The following IGF2BP2 variants were observed in gnomAD, a reference collection of about 807,000 sequenced individuals.
IGF2BP2 encodes insulin-like growth factor 2 mRNA-binding protein 2.
A neutral mutation model predicts 75.8 loss-of-function variants in IGF2BP2; 17 were observed. That is an observed-to-expected ratio of 0.22 (90% confidence interval 0.15 to 0.34). The LOEUF (loss-of-function observed/expected upper bound fraction) is 0.34, where lower values mean the gene tolerates loss of function less well. IGF2BP2 is among the 10% of genes least tolerant of loss of function. IGF2BP2 has a pLI of 1.00. For missense variants in IGF2BP2, 516 were observed against 772.4 expected (o/e 0.67, Z 3.93); for synonymous variants, 288 against 295.6 (o/e 0.97, Z 0.26).
intron 12 of IGF2BP2, among the ~76,000 whole-genome samples, chr3:185,656,111 G>A (rs561168166): frequency 2.6e-5 from 4 of 152,248 alleles, no homozygotes; most frequent in Non-Finnish European, 5.9e-5. Flanking sequence ...TCTCCTGCCG[G>A]CATCTCAGAC....
chr3:185,778,092 A>G (rs1381072727), intron 2 of IGF2BP2, among the ~76,000 whole-genome samples: 1 of 152,072 alleles, frequency 6.6e-6, no homozygotes, highest in Non-Finnish European at 1.5e-5. Context: ...ATGCATTTGT[A>G]CTACCATCTA....
At chr3:185,677,066 T>TAGAGAGAGAGAG (rs1185215668) in intron 7 of IGF2BP2, among the ~76,000 whole-genome samples, 11 of 38,382 alleles carry the variant, frequency 2.9e-4, no homozygotes, top group African/African-American at 1.1e-3. Flanking sequence ...TATATATATA[T>TAGAGAGAGAGAG]ATAGAGAGAG....
intron 2 of IGF2BP2, among the ~76,000 whole-genome samples, chr3:185,730,251 G>T (rs1727963117): frequency 6.6e-6 from 1 of 152,018 alleles, no homozygotes; most frequent in Admixed American, 6.6e-5. Flanking sequence ...AAGATAATGT[G>T]AAATACAAAT....
At chr3:185,721,898 T>C (rs1275481774) in intron 2 of IGF2BP2, among the ~76,000 whole-genome samples, 3 of 152,182 alleles carry the variant, frequency 2.0e-5, no homozygotes, top group Non-Finnish European at 4.4e-5. Context: ...TTTCTGTTTA[T>C]GAGGTGCTTT....
intron 2 of IGF2BP2, among the ~76,000 whole-genome samples, chr3:185,731,083 G>A (rs1308339513): frequency 1.3e-5 from 2 of 151,946 alleles, no homozygotes; most frequent in African/African-American, 4.8e-5. Flanking sequence ...AACTTCCTCG[G>A]TTTTAACTCC....
At chr3:185,808,291 A>C (rs1458414498) in intron 2 of IGF2BP2, among the ~76,000 whole-genome samples, 3 of 150,156 alleles carry the variant, frequency 2.0e-5, no homozygotes, top group African/African-American at 7.5e-5. Context: ...GCCTGCCAAC[A>C]TGGTGAAACA....
At chr3:185,736,233 G>T (rs1728833937) in intron 2 of IGF2BP2, among the ~76,000 whole-genome samples, 1 of 152,102 alleles carries the variant, frequency 6.6e-6, no homozygotes. Flanking sequence ...ACTCGGAGGT[G>T]GGGGGGCCAC....
chr3:185,811,064 T>C (rs151133627), intron 2 of IGF2BP2, among the ~76,000 whole-genome samples: 46 of 151,844 alleles, frequency 3.0e-4, no homozygotes, highest in African/African-American at 9.2e-4. Flanking sequence ...AGCATATATA[T>C]ACATATTCTA....
intron 2 of IGF2BP2, among the ~76,000 whole-genome samples, chr3:185,766,080 C>T (rs148037025): frequency 3.0e-4 from 45 of 152,108 alleles, no homozygotes; most frequent in Non-Finnish European, 5.4e-4. Flanking sequence ...TCTAAGAACC[C>T]GATGGCTGGG....
chr3:185,679,617 G>A (rs186945577), intron 7 of IGF2BP2, among the ~76,000 whole-genome samples: 21 of 151,274 alleles, frequency 1.4e-4, no homozygotes, highest in East Asian at 1.2e-3. Context: ...ACGTTTTTTC[G>A]TTTTCTTTCT....
intron 5 of IGF2BP2, among the ~76,000 whole-genome samples, chr3:185,689,960 T>C: frequency 2.4e-5 from 2 of 81,640 alleles, no homozygotes; most frequent in African/African-American, 1.0e-4. Flanking sequence ...AGAGCGAGAC[T>C]CCGTCTCAAA....
intron 2 of IGF2BP2, among the ~76,000 whole-genome samples, chr3:185,701,367 T>TAAAAAAAAA (rs558141080): frequency 1.7e-5 from 2 of 116,962 alleles, no homozygotes; most frequent in Non-Finnish European, 3.5e-5. Context: ...ACCTGCTAAG[T>TAAAAAAAAA]AAAAAAAAAA....
chr3:185,684,654 G>A (rs188854777), intron 7 of IGF2BP2, among the ~76,000 whole-genome samples: 23 of 152,228 alleles, frequency 1.5e-4, no homozygotes, highest in Admixed American at 1.1e-3. Context: ...TGATCCGCCC[G>A]CTTCAGCCTC....
intron 10 of IGF2BP2, among the ~76,000 whole-genome samples, chr3:185,661,372 C>G (rs1344792616): frequency 1.3e-5 from 2 of 152,186 alleles, no homozygotes; most frequent in African/African-American, 2.4e-5. Flanking sequence ...CACGGTGGCT[C>G]ATGCCTGTAA....
At position 185,707,295 on chromosome 3, in the gene IGF2BP2, C is replaced by CTTTTT. The variant is rs1159568857; in HGVS notation, c.240-8953_240-8949dup. Reference sequence around the variant, plus strand: ...TTATATTCAGTGTGTAACGAAGGGGCTTTTTTTTTTTTTTTTTTTTTTTTT... The same window carrying CTTTTT: ...TTATATTCAGTGTGTAACGAAGGGGCTTTTTTTTTTTTTTTTTTTTTTTTTTTTTT... On this transcript the variant is annotated intron_variant, in intron 2 of 15. Transcript: ENST00000382199. Among the ~76,000 whole-genome samples, 191 of 39,882 alleles carry CTTTTT rather than the reference C, an allele frequency of 4.8e-3. 44 individuals carry two copies. The highest frequency in any genetic ancestry group is 0.015 in the African/African-American group (133 of 8,922). The allele number at this position is 39,882 out of a possible 152,430, so 26.2% of individuals were successfully genotyped here.
chr3:185,813,936 A>C (rs1740258651), intron 2 of IGF2BP2: 1 of 152,284 alleles, frequency 6.6e-6, no homozygotes, highest in South Asian at 2.1e-4. Flanking sequence ...GGCCTTAGAG[A>C]AAGAAATGCA....
chr3:185,795,054 C>T (rs961530122), intron 2 of IGF2BP2, among the ~76,000 whole-genome samples: 1 of 152,164 alleles, frequency 6.6e-6, no homozygotes, highest in Non-Finnish European at 1.5e-5. Context: ...CCCACCACCT[C>T]GCCCGGCTAC....
chr3:185,732,652 A>G (rs1728344915), intron 2 of IGF2BP2, among the ~76,000 whole-genome samples: 1 of 152,204 alleles, frequency 6.6e-6, no homozygotes, highest in Admixed American at 6.5e-5. Context: ...AAATCAAAAC[A>G]ATGCTTTTAA....
chr3:185,716,585 G>A, intron 2 of IGF2BP2: 1 of 520,158 alleles, frequency 1.9e-6, no homozygotes, highest in Non-Finnish European at 3.8e-6. Flanking sequence ...CACGTCCTCA[G>A]TAAGGAATTT....
Sources: gnomAD v4.1 joint callset for allele counts (sites outside exome capture counted in the v4.1 genomes callset) on GRCh38, gnomAD v4.1.1 for gene constraint, MANE v1.5 for transcripts, NCBI Gene and HGNC (gene_info 2026-07-23, HGNC 2026-07-21) for gene names.